NF2: variants seen among roughly 807,000 people sequenced by gnomAD.
NF2 encodes NF2, moesin-ezrin-radixin like (MERLIN) tumor suppressor, also known as merlin.
A neutral mutation model predicts 83.7 loss-of-function variants in NF2; 8 were observed. The ratio of observed to expected loss-of-function variants is 0.10; its 90% confidence interval spans 0.06 to 0.17. The LOEUF is 0.17. NF2 is among the 10% of genes least tolerant of loss of function. The probability of loss-of-function intolerance (pLI) is 1.00; values close to 1 mark genes in which losing one functional copy is unlikely to be tolerated. For synonymous variants in NF2, 266 were observed against 269.6 expected, an observed-to-expected ratio of 0.99 and a Z score of 0.13; for missense variants, 533 against 744.4, an observed-to-expected ratio of 0.72 and a Z score of 3.31.
intron 10 of NF2, 35 bp downstream of exon 10, chr22:29,668,481 T>A: frequency 1.3e-6 from 2 of 1,537,580 alleles, no homozygotes; most frequent in South Asian, 2.3e-5. Flanking sequence ...ATGATGTCAC[T>A]GTGTGGTCAG....
intron 15 of NF2, chr22:29,683,352 G>A (rs566167436): frequency 1.4e-6 from 2 of 1,385,914 alleles, no homozygotes; most frequent in Admixed American, 3.0e-5. Context: ...GGCTGGGGAA[G>A]GTTATGGCTT....
At chr22:29,678,063 TG>T in intron 13 of NF2, 132 bp from the exon 14 acceptor site, 2 of 1,078,696 alleles carry the variant, frequency 1.9e-6, no homozygotes, top group Non-Finnish European at 2.9e-6. Context: ...TGGGGACTCG[TG>T]GTGGCATTGG....
At position 29,609,225 on chromosome 22, in the gene NF2, G is replaced by A. The variant is rs990155264; in HGVS notation, c.114+5113G>A. On this transcript the variant is annotated intron_variant, in intron 1 of 15. Transcript: ENST00000338641. ...TTGGCACCATGGGCTAATCAACTAGGTATGACCTTGGTTATGACAGTGGAA... is the reference window on the plus strand; with the variant it reads ...TTGGCACCATGGGCTAATCAACTAGATATGACCTTGGTTATGACAGTGGAA... 4.1e-6 allele frequency: 3 copies of A among 731,296 alleles called. No homozygotes were observed. In the African/African-American group the frequency reaches 5.2e-5, roughly 13 times the overall value. The allele number at this position is 731,296 out of a possible 1,614,324, so 45.3% of individuals were successfully genotyped here.
In NF2 at chr22:29,678,245, A is replaced by G. The variant is rs2147108268; in HGVS notation, c.1496A>G (p.Asn499Ser). The G allele has an allele frequency of 1.2e-6, 2 of 1,614,078 alleles. No individual in the cohort carries two copies. Among genetic ancestry groups the G allele is most frequent in the Non-Finnish European group, 1.7e-6 (2 of 1,179,984 alleles). The change falls in exon 14 of 16, where the codon AAC becomes AGC. Residue 499 changes from asparagine to serine, a missense_variant. Asn to Ser is a conservative substitution (Grantham distance 46). Around this residue, in one of 3 missense-constraint regions of NF2, gnomAD observed 199 missense variants for 240.7 expected, o/e 0.83. Coordinates refer to ENST00000338641, the MANE Select transcript of NF2 (RefSeq NM_000268.4). Reference protein sequence around the residue: ...APLPPDIPSFNLIGDSLSFDF... With the variant: ...APLPPDIPSFSLIGDSLSFDF... ...TTGCCTCCTGACATACCAAGCTTCA[A>G]CCTCATTGGTGACAGCCTGTCTTTC...
At chr22:29,660,197 T>G (rs888453796) in intron 7 of NF2, among the ~76,000 whole-genome samples, 1 of 152,090 alleles carries the variant, frequency 6.6e-6, no homozygotes, top group East Asian at 1.9e-4. Flanking sequence ...CGTCGCAGGT[T>G]CAGTGCTGTG....
At chr22:29,631,499 T>C (rs1359504742) in intron 1 of NF2, among the ~76,000 whole-genome samples, 2 of 152,230 alleles carry the variant, frequency 1.3e-5, no homozygotes, top group Non-Finnish European at 2.9e-5. Flanking sequence ...CCTCAATTCA[T>C]CATTTTTCTC....
intron 15 of NF2, among the ~76,000 whole-genome samples, chr22:29,693,462 T>C (rs887783624): frequency 5.9e-5 from 9 of 152,254 alleles, no homozygotes; most frequent in Admixed American, 4.6e-4. Context: ...TGTCTTCTGA[T>C]GGTGAAGTGG....
At chr22:29,611,703 C>G (rs1288732945) in intron 1 of NF2, among the ~76,000 whole-genome samples, 4 of 152,152 alleles carry the variant, frequency 2.6e-5, no homozygotes, top group African/African-American at 9.7e-5. Context: ...GTAAGATCAT[C>G]TCTGCAGATG....
chr22:29,691,621 C>A (rs2067406471), intron 15 of NF2, among the ~76,000 whole-genome samples: 1 of 152,228 alleles, frequency 6.6e-6, no homozygotes, highest in African/African-American at 2.4e-5. Flanking sequence ...ATGAATACTT[C>A]CTGCCTATGG....
chr22:29,678,416 G>A, intron 14 of NF2, 93 bp downstream of exon 14: 1 of 1,462,928 alleles, frequency 6.8e-7, no homozygotes, highest in Non-Finnish European at 9.5e-7. Flanking sequence ...AGAGGTCGCT[G>A]CAGCAGCCTG....
intron 1 of NF2, among the ~76,000 whole-genome samples, chr22:29,623,355 A>G (rs1480707849): frequency 6.6e-6 from 1 of 152,176 alleles, no homozygotes; most frequent in Non-Finnish European, 1.5e-5. Context: ...AGTTTTTACT[A>G]GAAGTGTGAT....
Position 29,694,024 on chromosome 22 carries a change from C to G in NF2, c.1738-728C>G, listed in dbSNP as rs773104705. ...TAGGAGGTTGCAAACCTCACTATGCCAAGAGCTCGGTCCCTGATCCACCCC... is the reference window on the plus strand; with the variant it reads ...TAGGAGGTTGCAAACCTCACTATGCGAAGAGCTCGGTCCCTGATCCACCCC... On this transcript the variant is annotated intron_variant, in intron 15 of 15. Coordinates refer to ENST00000338641, the MANE Select transcript of NF2 (RefSeq NM_000268.4). This position sits in a 1 kb window ranked among gnomAD's most constrained non-coding sequence, Gnocchi z 4.1. Among the ~76,000 whole-genome samples the G allele has an allele frequency of 5.3e-5, 8 of 152,194 alleles. No individual in the cohort carries two copies. Among genetic ancestry groups the G allele is most frequent in the Non-Finnish European group, 1.2e-4 (8 of 68,036 alleles).
intron 15 of NF2, among the ~76,000 whole-genome samples, chr22:29,682,582 C>T (rs1283429488): frequency 6.6e-6 from 1 of 152,228 alleles, no homozygotes; most frequent in Non-Finnish European, 1.5e-5. Context: ...GGCATTTCCA[C>T]ATTCCACATT....
intron 1 of NF2, among the ~76,000 whole-genome samples, chr22:29,620,650 A>G (rs1336047951): frequency 6.6e-6 from 1 of 151,402 alleles, no homozygotes; most frequent in Non-Finnish European, 1.5e-5. Context: ...GAGGCAGGAT[A>G]ATTGCCTGAG....
intron 1 of NF2, among the ~76,000 whole-genome samples, chr22:29,622,646 ATTTTT>A (rs35744962): frequency 1.6e-5 from 1 of 63,260 alleles, no homozygotes; most frequent in Non-Finnish European, 3.0e-5. Context: ...AAGACCCTGT[ATTTTT>A]TTTTTTTTTT....
intron 9 of NF2, among the ~76,000 whole-genome samples, chr22:29,666,353 C>A (rs1449440468): frequency 6.6e-6 from 1 of 152,062 alleles, no homozygotes; most frequent in Non-Finnish European, 1.5e-5. Flanking sequence ...GTTGGTCAGG[C>A]TGGTCTCGAA....
intron 4 of NF2, among the ~76,000 whole-genome samples, chr22:29,647,992 G>A (rs1000730317): frequency 5.9e-5 from 9 of 152,166 alleles, no homozygotes; most frequent in African/African-American, 2.2e-4. Flanking sequence ...ATAGCTGGGT[G>A]CAGTGGTGGG....
chr22:29,603,650 C>T lies in NF2; in HGVS notation c.-349C>T. On this transcript the variant is annotated 5_prime_UTR_variant, in exon 1 of 16. Coordinates refer to ENST00000338641, the MANE Select transcript of NF2 (RefSeq NM_000268.4). ...GCGGCCCCGTGACCCTAGTCGGCCG[C>T]TGAGAGGCGCGCGGAGTCTGGGCCG... 2 of 408,934 alleles carry T rather than the reference C, an allele frequency of 4.9e-6. No homozygotes were observed. Among genetic ancestry groups the T allele is most frequent in the East Asian group, 3.6e-5 (1 of 28,100 alleles). The allele number at this position is 408,934 out of a possible 1,614,324, so 25.3% of individuals were successfully genotyped here.
chr22:29,620,119 C>T (rs185181623), intron 1 of NF2, among the ~76,000 whole-genome samples: 19 of 152,054 alleles, frequency 1.2e-4, no homozygotes. Context: ...ATTAGCCAGG[C>T]GTGGTAGTGG....
Sources: allele counts gnomAD v4.1 joint callset (sites outside exome capture counted in the v4.1 genomes callset), GRCh38; gene constraint gnomAD v4.1.1; regional missense constraint gnomAD v4.1.1; non-coding constraint Gnocchi (gnomAD v3.1); transcripts MANE v1.5; gene names NCBI Gene and HGNC (gene_info 2026-07-23, HGNC 2026-07-21).